ESD: variants seen among roughly 807,000 people sequenced by gnomAD.
The protein encoded by ESD is S-formylglutathione hydrolase.
A neutral mutation model predicts 38.1 loss-of-function variants in ESD; 34 were observed. That is an observed-to-expected ratio of 0.89 (90% confidence interval 0.68 to 1.19). ESD has a LOEUF of 1.19. Ranked by LOEUF, ESD falls within the 50% of genes most tolerant of loss-of-function variation. The probability of loss-of-function intolerance (pLI) is 0.00; values close to 1 mark genes in which losing one functional copy is unlikely to be tolerated. For synonymous variants in ESD, 97 were observed against 107.0 expected (o/e 0.91, Z 0.58); for missense variants, 334 against 327.2 (o/e 1.02, Z -0.16).
intron 3 of ESD, among the ~76,000 whole-genome samples, chr13:46,788,594 G>C (rs1023897191): frequency 1.3e-5 from 2 of 150,612 alleles, no homozygotes; most frequent in African/African-American, 2.4e-5. Flanking sequence ...TTTTAAAAGA[G>C]GACCTTTCTC....
chr13:46,771,375 A>C lies in ESD; in HGVS notation c.*41T>G, dbSNP rs1874598661. Reference sequence around the variant, plus strand: ...CTCAGCAATACAGTTGCATTTTACAACTTTTATAATCCTGAAGAGATTCTC... The same window carrying C: ...CTCAGCAATACAGTTGCATTTTACACCTTTTATAATCCTGAAGAGATTCTC... On this transcript the variant is annotated 3_prime_UTR_variant, in exon 10 of 10. Transcript: ENST00000378720. 5.1e-6 allele frequency: 7 copies of C among 1,375,630 alleles called. No individual in the cohort carries two copies. Among genetic ancestry groups the C allele is most frequent in the Non-Finnish European group, 7.1e-6 (7 of 987,032 alleles). The allele number at this position is 1,375,630 out of a possible 1,614,324, so 85.2% of individuals were successfully genotyped here. A position where few individuals can be genotyped will look rare whatever the true frequency, so the allele number is the denominator to read the frequency against.
In ESD at chr13:46,780,030, C is replaced by A. The variant is rs771837482; in HGVS notation, c.505G>T (p.Val169Leu). 3.0e-5 allele frequency: 48 copies of A among 1,584,680 alleles called. No homozygotes were observed. The highest frequency in any genetic ancestry group is 2.7e-5 in the African/African-American group (2 of 73,412). The change falls in exon 8 of 10, where the codon GTG becomes TTG. Residue 169 changes from valine (V) to leucine (L), a missense_variant. Physicochemically the swap from Val to Leu is conservative, Grantham distance 32 (BLOSUM62 1). Transcript: ENST00000378720. ...ALKNPGKYKSVSAFAPICNPV... is the reference protein window; with the variant it reads ...ALKNPGKYKSLSAFAPICNPV... ...TTGCAAATTGGAGCAAATGCTGACA[C>A]AGACTTCAGAAACAAAAGAAATTTA...
rs1165527178 is a variant in ESD, at chr13:46,796,063, A to G, written c.-56+1042T>C. 2.0e-5 allele frequency among the ~76,000 whole-genome samples: 3 copies of G among 152,342 alleles called. No homozygotes were observed. The East Asian group carries it at 5.8e-4, about 29-fold the overall frequency. ...AAAAATATAGCATCTATAAACGCCA[A>G]ACACCTTCACATGGCTCTAAATATG... On this transcript the variant is annotated intron_variant, in intron 1 of 9. Transcript: ENST00000378720.
intron 9 of ESD, among the ~76,000 whole-genome samples, chr13:46,773,654 T>C (rs954864856): frequency 6.6e-6 from 1 of 152,206 alleles, no homozygotes; most frequent in South Asian, 2.1e-4. Flanking sequence ...ATTAAATGTT[T>C]ATCTTGGGAA....
chr13:46,775,761 C>G, intron 9 of ESD: 2 of 445,218 alleles, frequency 4.5e-6, no homozygotes, highest in South Asian at 3.3e-5. Flanking sequence ...TGAATACTTT[C>G]TTACTTTTTT....
At chr13:46,778,845 C>G (rs1874896180) in intron 8 of ESD, among the ~76,000 whole-genome samples, 1 of 151,634 alleles carries the variant, frequency 6.6e-6, no homozygotes. Flanking sequence ...AAGGATGAAC[C>G]CTTTAATTAG....
intron 1 of ESD, 51 bp from the exon 2 acceptor site, chr13:46,793,495 G>A (rs937512702): frequency 3.3e-5 from 5 of 152,546 alleles, no homozygotes; most frequent in African/African-American, 1.2e-4. Context: ...TCACAGCAAA[G>A]GTTATACAGA....
intron 8 of ESD, among the ~76,000 whole-genome samples, chr13:46,779,106 A>G (rs1874906675): frequency 1.3e-5 from 2 of 151,770 alleles, no homozygotes; most frequent in South Asian, 4.1e-4. Context: ...TCTGCACAAG[A>G]GTAACATGGC....
At chr13:46,796,028 A>ATT (rs199649806) in intron 1 of ESD, among the ~76,000 whole-genome samples, 4 of 151,690 alleles carry the variant, frequency 2.6e-5, no homozygotes, top group African/African-American at 9.7e-5. Context: ...TCTGGGGAAA[A>ATT]TTTTTTAAAA....
At chr13:46,781,220 T>G (rs1874986683) in intron 7 of ESD, among the ~76,000 whole-genome samples, 1 of 151,724 alleles carries the variant, frequency 6.6e-6, no homozygotes, top group Admixed American at 6.6e-5. Flanking sequence ...TGTTCAAAAC[T>G]ATAGTTGGAA....
chr13:46,781,644 G>A, intron 6 of ESD, 29 bp from the exon 7 acceptor site: 3 of 1,582,582 alleles, frequency 1.9e-6, no homozygotes, highest in Non-Finnish European at 2.6e-6. Context: ...TGTGACAAAA[G>A]ATATCAAAGA....
intron 5 of ESD, among the ~76,000 whole-genome samples, chr13:46,783,984 T>C (rs1875102330): frequency 6.6e-6 from 1 of 151,936 alleles, no homozygotes; most frequent in South Asian, 2.1e-4. Context: ...GATATATGAA[T>C]TGAGTTGCTC....
chr13:46,778,944 C>A (rs892472166), intron 8 of ESD, among the ~76,000 whole-genome samples: 1 of 151,604 alleles, frequency 6.6e-6, no homozygotes, highest in African/African-American at 2.4e-5. Flanking sequence ...TAGGAATGAA[C>A]CCTGAACACA....
In ESD at chr13:46,779,946, T is replaced by C; in HGVS notation, c.589A>G (p.Ser197Gly). The C allele has an allele frequency of 6.2e-7, 1 of 1,604,374 alleles. No individual in the cohort carries two copies. The highest frequency in any genetic ancestry group is 1.1e-5 in the South Asian group (1 of 90,624). Reference sequence around the variant, plus strand: ...CATTCAGTACCTACCTTCCATTTACTTTGATCTGTTCCCAAATATCCACTA... The same window carrying C: ...CATTCAGTACCTACCTTCCATTTACCTTGATCTGTTCCCAAATATCCACTA... Reference protein sequence around the residue: ...AFSGYLGTDQSKWKAYDATHL... With the variant: ...AFSGYLGTDQGKWKAYDATHL... The change falls in exon 8 of 10, where the codon AGT becomes GGT. Residue 197 changes from serine (S) to glycine (G), a missense_variant. Ser to Gly is a moderately conservative substitution (Grantham distance 56). Transcript: ENST00000378720.
In ESD at chr13:46,777,540, A is replaced by G. The variant is rs1164171069; in HGVS notation, c.684T>C (p.Phe228=). ...CAGGGAGTAACTGTCCATCTAAAAGAAACTGGTCATCTTTCCCTTGATCAA... is the reference window on the plus strand; with the variant it reads ...CAGGGAGTAACTGTCCATCTAAAAGGAACTGGTCATCTTTCCCTTGATCAA... ...ILIDQGKDDQ[F]LLDGQLLPDN... The change falls in exon 9 of 10, where the codon TTT becomes TTC. Residue 228 remains phenylalanine (F), a synonymous_variant. Transcript: ENST00000378720. 2 of 1,611,562 alleles carry G rather than the reference A, an allele frequency of 1.2e-6. No individual in the cohort carries two copies. Among genetic ancestry groups the G allele is most frequent in the Non-Finnish European group, 1.7e-6 (2 of 1,178,360 alleles).
rs965090338 is a variant in ESD, at chr13:46,771,627, G to A, written c.769-131C>T. The A allele has an allele frequency of 9.8e-6, 5 of 507,750 alleles. No individual in the cohort carries two copies. The Admixed American group carries it at 1.1e-4, about 11-fold the overall frequency. 31.5% of individuals were successfully genotyped at this position (507,750 alleles called of 1,614,324 possible). A position where few individuals can be genotyped will look rare whatever the true frequency, so the allele number is the denominator to read the frequency against. ...ATAACATTAAGGAAGTATGAGGAAG[G>A]TTTATAATAAAATCAAGGTTGTCAT... On this transcript the variant is annotated intron_variant, in intron 9 of 9. Coordinates refer to ENST00000378720, the MANE Select transcript of ESD (RefSeq NM_001984.2).
rs577297789 is a variant in ESD, at chr13:46,791,398, T to C, written c.16A>G (p.Ile6Val). 2.5e-6 allele frequency: 4 copies of C among 1,612,870 alleles called. No homozygotes were observed. The highest frequency in any genetic ancestry group is 3.4e-6 in the Non-Finnish European group (4 of 1,179,326). ...CCCCCAAAGCACTTGTTGCTGGAAATCTGCTTCAATGCCATTCTTTTCCTA... is the reference window on the plus strand; with the variant it reads ...CCCCCAAAGCACTTGTTGCTGGAAACCTGCTTCAATGCCATTCTTTTCCTA... The part of the protein sequence containing the change: MALKQ[I>V]SSNKCFGGLQ... Residue 6 changes from isoleucine (I) to valine (V), a missense_variant, in exon 3 of 10, where the codon ATT (isoleucine) becomes GTT (valine). Ile to Val is a conservative substitution (Grantham distance 29). Transcript: ENST00000378720.
chr13:46,787,010 AT>A lies in ESD; in HGVS notation c.157+10del. The A allele has an allele frequency of 1.4e-6, 2 of 1,456,752 alleles. No individual in the cohort carries two copies. 90.2% of individuals were successfully genotyped at this position (1,456,752 alleles called of 1,614,324 possible). ...AAACGACTTTATAAAACTCAAATGC[AT>A]AATACTTACCTGAGAGCCAATACAG... is the stretch of plus-strand genomic sequence containing the variant. On this transcript the variant is annotated intron_variant, in intron 4 of 9. Coordinates refer to ENST00000378720, the MANE Select transcript of ESD (RefSeq NM_001984.2).
intron 1 of ESD, among the ~76,000 whole-genome samples, chr13:46,796,048 C>A (rs999743686): frequency 3.9e-5 from 6 of 152,104 alleles, no homozygotes; most frequent in Admixed American, 6.5e-5. Flanking sequence ...AAAAATATAG[C>A]ATCTATAAAC....
Sources: gnomAD v4.1 joint callset for allele counts (sites outside exome capture counted in the v4.1 genomes callset) on GRCh38, gnomAD v4.1.1 for gene constraint, MANE v1.5 for transcripts, NCBI Gene and HGNC (gene_info 2026-07-23, HGNC 2026-07-21) for gene names.